Variants in ACACB observed in about 807,000 individuals in gnomAD.
ACACB encodes the protein acetyl-CoA carboxylase 2.
Under a neutral mutation model 278.8 loss-of-function variants are expected in ACACB, and 209 were observed. The observed-to-expected ratio is 0.75, with a 90% CI of 0.67 to 0.84. The LOEUF (loss-of-function observed/expected upper bound fraction) is 0.84, where lower values mean the gene tolerates loss of function less well. Ranked by LOEUF, ACACB falls within the 40% of genes least tolerant of loss-of-function variation. The pLI is 0.00. For synonymous variants in ACACB, 1,174 were observed against 1,285.6 expected (o/e 0.91, Z 1.86); for missense variants, 2,850 against 3,269.0 (o/e 0.87, Z 3.13).
chr12:109,246,127 T>C (rs1388305416), intron 38 of ACACB, 52 bp from the exon 39 acceptor site: 1 of 1,549,160 alleles, frequency 6.5e-7, no homozygotes, highest in African/African-American at 1.4e-5. Flanking sequence ...AATAAAAAGT[T>C]TTCCCCCAAA....
At chr12:109,132,709 A>C (rs1283393981) in intron 1 of ACACB, among the ~76,000 whole-genome samples, 1 of 152,180 alleles carries the variant, frequency 6.6e-6, no homozygotes, top group Non-Finnish European at 1.5e-5. Context: ...CTGTGTATTC[A>C]CTTGGGAAAA....
At chr12:109,257,135 G>A (rs771198094) in intron 45 of ACACB, among the ~76,000 whole-genome samples, 6 of 152,166 alleles carry the variant, frequency 3.9e-5, no homozygotes, top group East Asian at 3.9e-4. Flanking sequence ...TTAGCTGGGC[G>A]TGGTGGCAGG....
intron 2 of ACACB, among the ~76,000 whole-genome samples, chr12:109,165,670 G>A (rs907396459): frequency 1.3e-5 from 2 of 152,266 alleles, no homozygotes; most frequent in Admixed American, 6.5e-5. Flanking sequence ...AACTTCATAT[G>A]TGAATAATGA....
intron 24 of ACACB, among the ~76,000 whole-genome samples, chr12:109,221,901 G>GGGA (rs1166735212): frequency 6.7e-6 from 1 of 150,150 alleles, no homozygotes; most frequent in African/African-American, 2.5e-5. Flanking sequence ...TTTTGGGGGG[G>GGGA]AGACAGAGTC....
chr12:109,139,173 C>T (rs1334039286), intron 1 of ACACB, among the ~76,000 whole-genome samples: 1 of 152,086 alleles, frequency 6.6e-6, no homozygotes, highest in East Asian at 1.9e-4. Context: ...TAGCAGTTTT[C>T]AAGGTTCTTC....
At chr12:109,175,322 A>C (rs1215689434) in intron 7 of ACACB, among the ~76,000 whole-genome samples, 1 of 152,202 alleles carries the variant, frequency 6.6e-6, no homozygotes, top group Non-Finnish European at 1.5e-5. Context: ...AATTATTCAC[A>C]TATAAATGAC....
At position 109,249,968 on chromosome 12, in the gene ACACB, G is replaced by A. The variant is rs781042837; in HGVS notation, c.5670-16G>A. On this transcript the variant is annotated splice_polypyrimidine_tract_variant and intron_variant, in intron 40 of 52. Transcript: ENST00000338432. The stretch of plus-strand genomic sequence containing the variant: ...GGGGCTAGAGCCCAGCCTTTAACCT[G>A]TGCTTGCTTTTGAAGATACATGATC... The A allele has an allele frequency of 5.6e-6, 9 of 1,609,368 alleles. No homozygotes were observed. The South Asian group carries it at 8.9e-5, about 16-fold the overall frequency.
At chr12:109,260,292 TG>T in intron 47 of ACACB, 187 bp from the exon 48 acceptor site, 2 of 1,125,172 alleles carry the variant, frequency 1.8e-6, no homozygotes, top group Non-Finnish European at 2.6e-6. Context: ...AGGCCCACAC[TG>T]GGTGAATGAC....
chr12:109,138,511 A>G (rs2043023493), intron 1 of ACACB, among the ~76,000 whole-genome samples: 2 of 152,116 alleles, frequency 1.3e-5, no homozygotes, highest in Admixed American at 6.6e-5. Context: ...AATGATGATG[A>G]TGATGACAGA....
chr12:109,265,272 G>C lies in ACACB; in HGVS notation c.7105G>C (p.Ala2369Pro), dbSNP rs1045463282. Reference protein sequence around the residue: ...LRRWFVETEGAVKAYLWDNNQ... With the variant: ...LRRWFVETEGPVKAYLWDNNQ... ...TCGCTGGTTCGTGGAGACGGAGGGG[G>C]CTGTCAAGGTGGGCCTGGGGTGAGA... Residue 2369 changes from alanine to proline, a missense_variant, in exon 51 of 53, where the codon GCT becomes CCT. Physicochemically the swap from Ala to Pro is conservative, Grantham distance 27 (BLOSUM62 -1). Around this residue, in one of 3 missense-constraint regions of ACACB, gnomAD observed 579 missense variants for 684.6 expected, o/e 0.85. Coordinates refer to ENST00000338432, the MANE Select transcript of ACACB (RefSeq NM_001093.4). 6.2e-7 allele frequency: 1 copy of C among 1,612,668 alleles called. No homozygotes were observed. Among genetic ancestry groups the C allele is most frequent in the Admixed American group, 1.7e-5 (1 of 60,006 alleles).
rs368045407 is a variant in ACACB, at chr12:109,139,627, C to A, written c.222C>A (p.Ala74=). ...GHTLPKTPSQ[A]EPASHKGPKD... The stretch of plus-strand genomic sequence containing the variant: ...CTCTGCCCAAGACACCCAGCCAGGC[C>A]GAGCCAGCCTCCCACAAAGGCCCCA... The change falls in exon 2 of 53, where the codon GCC becomes GCA. Residue 74 remains alanine, a synonymous_variant. Coordinates refer to ENST00000338432, the MANE Select transcript of ACACB (RefSeq NM_001093.4). 3 of 1,614,060 alleles carry A rather than the reference C, an allele frequency of 1.9e-6. No individual in the cohort carries two copies. Among genetic ancestry groups the A allele is most frequent in the South Asian group, 1.1e-5 (1 of 91,076 alleles).
chr12:109,203,987 T>C (rs2045416364), intron 19 of ACACB, among the ~76,000 whole-genome samples: 1 of 152,182 alleles, frequency 6.6e-6, no homozygotes, highest in African/African-American at 2.4e-5. Context: ...CATGGTCTCT[T>C]TTCTCCAGAG....
chr12:109,248,286 C>T (rs1054583584), intron 40 of ACACB, among the ~76,000 whole-genome samples: 2 of 152,062 alleles, frequency 1.3e-5, no homozygotes, highest in African/African-American at 4.8e-5. Context: ...TATTAGTCAG[C>T]GTTCTCCAGA....
intron 2 of ACACB, chr12:109,154,570 CG>C (rs1276804766): frequency 1.2e-5 from 1 of 82,608 alleles, no homozygotes; most frequent in African/African-American, 4.8e-5. Context: ...GGCCCGGGGG[CG>C]GGGCTCCGTC....
chr12:109,175,782 A>G (rs2044262634), intron 7 of ACACB, 149 bp from the exon 8 acceptor site: 6 of 644,560 alleles, frequency 9.3e-6, no homozygotes, highest in Non-Finnish European at 1.4e-5. Context: ...ATGAAAAGCC[A>G]TTGTGAGAAG....
intron 1 of ACACB, among the ~76,000 whole-genome samples, chr12:109,135,769 C>T (rs1306069353): frequency 6.6e-6 from 1 of 150,888 alleles, no homozygotes; most frequent in African/African-American, 2.4e-5. Flanking sequence ...ATGTGGAAAT[C>T]CAGTTGTTCC....
intron 17 of ACACB, among the ~76,000 whole-genome samples, chr12:109,198,778 G>A (rs1035372022): frequency 7.2e-5 from 11 of 151,910 alleles, no homozygotes; most frequent in South Asian, 2.1e-4. Context: ...ATGCTACCAC[G>A]CCCAGCTATT....
chr12:109,122,465 T>C (rs940775563), intron 1 of ACACB, among the ~76,000 whole-genome samples: 4 of 151,084 alleles, frequency 2.6e-5, no homozygotes, highest in Non-Finnish European at 5.9e-5. Flanking sequence ...TCCCAGTGCT[T>C]TGGGAGGCCG....
chr12:109,197,026 A>G lies in ACACB; in HGVS notation c.2500A>G (p.Thr834Ala), dbSNP rs1435081011. 1 of 1,573,306 alleles carries G rather than the reference A, an allele frequency of 6.4e-7. No individual in the cohort carries two copies. The highest frequency in any genetic ancestry group is 1.9e-5 in the Admixed American group (1 of 51,440). Residue 834 changes from threonine (T) to alanine (A), a missense_variant, in exon 17 of 53, where the codon ACC becomes GCC. By Grantham distance (58) the Thr-to-Ala change is moderately conservative. Transcript: ENST00000338432. ...CCCACAGGTGGCCCGGCAGTCTCTGACCATGTTCGTTCTCATCATGAATGG... is the reference window on the plus strand; with the variant it reads ...CCCACAGGTGGCCCGGCAGTCTCTGGCCATGTTCGTTCTCATCATGAATGG... Reference protein sequence around the residue: ...YILKVARQSLTMFVLIMNGCH... With the variant: ...YILKVARQSLAMFVLIMNGCH...
Sources: gnomAD v4.1 joint callset for allele counts (sites outside exome capture counted in the v4.1 genomes callset) on GRCh38, gnomAD v4.1.1 for gene constraint, gnomAD v4.1.1 regional missense constraint, MANE v1.5 for transcripts, NCBI Gene and HGNC (gene_info 2026-07-23, HGNC 2026-07-21) for gene names.